DDO: variants seen among roughly 807,000 people sequenced by gnomAD.
DDO encodes the protein D-aspartate oxidase, DDO.
In DDO, 16 loss-of-function variants were observed where a neutral mutation model predicts 16.8. The observed-to-expected ratio is 0.95, with a 90% CI of 0.65 to 1.45. The LOEUF (loss-of-function observed/expected upper bound fraction) is 1.45. DDO is among the 40% of genes most tolerant of loss of function. The pLI is 0.00. For synonymous variants in DDO, 180 were observed against 167.2 expected, an observed-to-expected ratio of 1.08 and a Z score of -0.59; for missense variants, 429 against 420.3, an observed-to-expected ratio of 1.02 and a Z score of -0.18.
chr6:110,401,051 G>A (rs1369297500), intron 4 of DDO, among the ~76,000 whole-genome samples: 1 of 152,198 alleles, frequency 6.6e-6, no homozygotes, highest in Non-Finnish European at 1.5e-5. Context: ...TGTGCACCCC[G>A]GAGCCCAAGG....
rs990587885 is a variant in DDO, at chr6:110,392,191, T to C, written c.*584A>G. ...ATAATCCAGCACTGTGTGAGCACAA[T>C]GTAATTTTATTTAGAGGAATTATGT... On this transcript the variant is annotated 3_prime_UTR_variant, in exon 5 of 5. Transcript: ENST00000368924. 6.1e-6 allele frequency: 6 copies of C among 985,336 alleles called. No homozygotes were observed. The African/African-American group carries it at 1.0e-4, about 17-fold the overall frequency. The allele number at this position is 985,336 out of a possible 1,614,324, so 61.0% of individuals were successfully genotyped here. A position where few individuals can be genotyped will look rare whatever the true frequency, so the allele number is the denominator to read the frequency against.
At chr6:110,403,241 A>G (rs1413341699) in intron 4 of DDO, among the ~76,000 whole-genome samples, 1 of 151,932 alleles carries the variant, frequency 6.6e-6, no homozygotes, top group Non-Finnish European at 1.5e-5. Flanking sequence ...CTTTTTCCAC[A>G]TGTTTTAACT....
intron 4 of DDO, among the ~76,000 whole-genome samples, chr6:110,402,094 C>T (rs1320254434): frequency 2.6e-5 from 4 of 152,198 alleles, no homozygotes; most frequent in African/African-American, 2.4e-5. Context: ...CTGGTCTGTA[C>T]TATTCAAGCT....
chr6:110,403,846 T>C (rs1773560505), intron 4 of DDO, among the ~76,000 whole-genome samples: 1 of 152,224 alleles, frequency 6.6e-6, no homozygotes, highest in South Asian at 2.1e-4. Flanking sequence ...AAATCATATT[T>C]TATCCTTCTT....
chr6:110,396,924 G>C (rs1773308900), intron 4 of DDO, among the ~76,000 whole-genome samples: 1 of 152,152 alleles, frequency 6.6e-6, no homozygotes, highest in African/African-American at 2.4e-5. Context: ...AGAAAGAAAA[G>C]TAAATTGGAG....
At chr6:110,407,261 G>A (rs768278035) in intron 3 of DDO, among the ~76,000 whole-genome samples, 4 of 152,132 alleles carry the variant, frequency 2.6e-5, no homozygotes, top group Non-Finnish European at 4.4e-5. Flanking sequence ...GAGTGTGACC[G>A]TAAATCAAAG....
chr6:110,389,298 C>A (rs1451704532), downstream of DDO, among the ~76,000 whole-genome samples: 1 of 152,208 alleles, frequency 6.6e-6, no homozygotes, highest in Non-Finnish European at 1.5e-5. Flanking sequence ...TGCATCAGCT[C>A]TCCTGGGCCT....
At chr6:110,390,286 C>A (rs1773078176), downstream of DDO, among the ~76,000 whole-genome samples, 2 of 152,176 alleles carry the variant, frequency 1.3e-5, no homozygotes, top group Admixed American at 1.3e-4. Context: ...TTGTGGACAG[C>A]TTTAAGTAAA....
At chr6:110,410,178 CAA>C (rs1010872622) in intron 2 of DDO, among the ~76,000 whole-genome samples, 6 of 152,206 alleles carry the variant, frequency 3.9e-5, no homozygotes, top group African/African-American at 1.4e-4. Flanking sequence ...AAGAGAAGAC[CAA>C]AGTCTTTATC....
chr6:110,394,350 A>G (rs936713076), intron 4 of DDO, among the ~76,000 whole-genome samples: 1 of 152,082 alleles, frequency 6.6e-6, no homozygotes. Flanking sequence ...CAGTCGATCC[A>G]CCTGCCTCTG....
intron 2 of DDO, among the ~76,000 whole-genome samples, chr6:110,411,425 C>G (rs534660482): frequency 6.6e-6 from 1 of 152,034 alleles, no homozygotes; most frequent in African/African-American, 2.4e-5. Context: ...TACTCAGATA[C>G]TATTCAGGGA....
At chr6:110,398,589 G>C (rs919025458) in intron 4 of DDO, among the ~76,000 whole-genome samples, 2 of 152,180 alleles carry the variant, frequency 1.3e-5, no homozygotes, top group Non-Finnish European at 2.9e-5. Context: ...GGCTGGCAGC[G>C]GGGACAGGGG....
At chr6:110,388,889 C>T (rs982960495), downstream of DDO, 31 of 786,896 alleles carry the variant, frequency 3.9e-5, no homozygotes, top group East Asian at 1.3e-4. Flanking sequence ...GCAGTAGCAC[C>T]GATTACCCAG....
chr6:110,389,715 G>A (rs542406117), downstream of DDO, among the ~76,000 whole-genome samples: 1 of 152,286 alleles, frequency 6.6e-6, no homozygotes, highest in Admixed American at 6.5e-5. Flanking sequence ...TAAGTTAGAG[G>A]TGGGGGCAAA....
At position 110,404,670 on chromosome 6, in the gene DDO, C is replaced by A. The variant is rs1037599976; in HGVS notation, c.458+104G>T. Reference sequence around the variant, plus strand: ...TGAGTGGCAAGGCAACGCGAAAGAGCTCTGAGGGATGCCAGAGACTTTTCA... The same window carrying A: ...TGAGTGGCAAGGCAACGCGAAAGAGATCTGAGGGATGCCAGAGACTTTTCA... On this transcript the variant is annotated intron_variant, in intron 4 of 4. Coordinates refer to ENST00000368924, the MANE Select transcript of DDO (RefSeq NM_001372108.2). 5.4e-6 allele frequency: 7 copies of A among 1,294,040 alleles called. No homozygotes were observed. In the East Asian group the frequency reaches 1.4e-4, roughly 26 times the overall value. 80.2% of individuals were successfully genotyped at this position (1,294,040 alleles called of 1,614,324 possible).
At position 110,391,975 on chromosome 6, in the gene DDO, C is replaced by T. The variant is rs1186917006; in HGVS notation, c.*800G>A. On this transcript the variant is annotated 3_prime_UTR_variant, in exon 5 of 5. Transcript: ENST00000368924. ...TGCTTAGGCAAAGCCAACCATACCACAAACCAGCTCTCAATCATTTACAGT... is the reference window on the plus strand; with the variant it reads ...TGCTTAGGCAAAGCCAACCATACCATAAACCAGCTCTCAATCATTTACAGT... 1.2e-5 allele frequency: 2 copies of T among 163,018 alleles called. No individual in the cohort carries two copies. Among genetic ancestry groups the T allele is most frequent in the Non-Finnish European group, 2.6e-5 (2 of 77,978 alleles). The allele number at this position is 163,018 out of a possible 1,614,324, so 10.1% of individuals were successfully genotyped here.
At position 110,392,659 on chromosome 6, in the gene DDO, A is replaced by G; in HGVS notation, c.*116T>C. 4 of 1,405,282 alleles carry G rather than the reference A, an allele frequency of 2.8e-6. No homozygotes were observed. Among genetic ancestry groups the G allele is most frequent in the Non-Finnish European group, 3.7e-6 (4 of 1,083,652 alleles). The allele number at this position is 1,405,282 out of a possible 1,614,324, so 87.1% of individuals were successfully genotyped here. On this transcript the variant is annotated 3_prime_UTR_variant, in exon 5 of 5. Transcript: ENST00000368924. ...TCAGCTTACATGTTACACCACTTCT[A>G]ATGTTGAAAACAAAGAAATGTCTAA...
At position 110,413,470 on chromosome 6, in the gene DDO, T is replaced by C; in HGVS notation, c.-4-4A>G. 6.2e-7 allele frequency: 1 copy of C among 1,612,234 alleles called. No individual in the cohort carries two copies. The highest frequency in any genetic ancestry group is 8.5e-7 in the Non-Finnish European group (1 of 1,179,426). On this transcript the variant is annotated splice_region_variant and splice_polypyrimidine_tract_variant and intron_variant, in intron 1 of 4. Transcript: ENST00000368924. ...AATCCGTGCTGTGTCCATGAGCCTG[T>C]GAGGAGGGAAATGGGAGCTATACCC... is the stretch of plus-strand genomic sequence containing the variant.
downstream of DDO, among the ~76,000 whole-genome samples, chr6:110,389,983 C>T (rs1339552231): frequency 1.3e-5 from 2 of 152,204 alleles, no homozygotes; most frequent in Non-Finnish European, 2.9e-5. Context: ...TTTGTACATT[C>T]AGTCTGTTGT....
Sources: gnomAD v4.1 joint callset for allele counts (sites outside exome capture counted in the v4.1 genomes callset) on GRCh38, gnomAD v4.1.1 for gene constraint, MANE v1.5 for transcripts, NCBI Gene and HGNC (gene_info 2026-07-23, HGNC 2026-07-21) for gene names.